KYNU: variants seen among roughly 807,000 people sequenced by gnomAD.
KYNU encodes the protein L-kynurenine hydrolase.
KYNU carries 54 observed loss-of-function variants against 59.2 expected under a neutral mutation model. The ratio of observed to expected loss-of-function variants is 0.91; its 90% CI spans 0.73 to 1.14. The LOEUF (loss-of-function observed/expected upper bound fraction) is 1.14. Ranked by LOEUF, KYNU falls within the 50% of genes most tolerant of loss-of-function variation. The pLI, the probability that KYNU is intolerant of heterozygous loss-of-function variation, is 0.00. For missense variants in KYNU, 567 were observed against 554.4 expected, an observed-to-expected ratio of 1.02 and a Z score of -0.23; for synonymous variants, 177 against 192.0, an observed-to-expected ratio of 0.92 and a Z score of 0.65.
intron 2 of KYNU, among the ~76,000 whole-genome samples, chr2:142,914,242 G>A (rs1165459537): frequency 6.6e-6 from 1 of 152,186 alleles, no homozygotes; most frequent in Non-Finnish European, 1.5e-5. Flanking sequence ...TCCTGACTTA[G>A]GGAACTTTCC....
At chr2:142,951,522 A>G (rs12997823) in intron 4 of KYNU, among the ~76,000 whole-genome samples, 47,005 of 152,166 alleles carry the variant, frequency 0.31, 7,977 homozygotes, top group South Asian at 0.54. Context: ...TAAGACAAAA[A>G]ACAATGAAGT....
intron 2 of KYNU, among the ~76,000 whole-genome samples, chr2:142,890,330 A>G (rs1681672955): frequency 6.6e-6 from 1 of 152,302 alleles, no homozygotes; most frequent in East Asian, 1.9e-4. Flanking sequence ...ATAGCCCCAT[A>G]AGATATATGG....
At chr2:142,921,854 A>G (rs1023596407) in intron 3 of KYNU, among the ~76,000 whole-genome samples, 1 of 144,742 alleles carries the variant, frequency 6.9e-6, no homozygotes, top group Admixed American at 7.0e-5. Flanking sequence ...ACATACATAC[A>G]TACATGTAGT....
intron 3 of KYNU, among the ~76,000 whole-genome samples, chr2:142,926,787 T>TG: frequency 6.6e-6 from 1 of 152,250 alleles, no homozygotes; most frequent in African/African-American, 2.4e-5. Context: ...ACACCAGGCT[T>TG]GGGAAAAAAA....
intron 2 of KYNU, among the ~76,000 whole-genome samples, chr2:142,886,369 T>A (rs1050460793): frequency 2.6e-5 from 4 of 152,212 alleles, no homozygotes; most frequent in Admixed American, 2.6e-4. Flanking sequence ...CTGGTTTGTA[T>A]AACACTAATA....
intron 8 of KYNU, chr2:142,971,306 TTATGTG>T (rs1684714785): frequency 8.0e-6 from 1 of 125,104 alleles, no homozygotes; most frequent in African/African-American, 3.1e-5. Flanking sequence ...TACCACAACA[TTATGTG>T]TGTGTGTGTG....
chr2:142,901,193 C>T (rs1392878041), intron 2 of KYNU, among the ~76,000 whole-genome samples: 1 of 152,046 alleles, frequency 6.6e-6, no homozygotes, highest in Non-Finnish European at 1.5e-5. Flanking sequence ...ATGATTTGGC[C>T]ATCTGATGGG....
At chr2:143,027,257 T>G (rs567951326) in intron 10 of KYNU, among the ~76,000 whole-genome samples, 2 of 152,320 alleles carry the variant, frequency 1.3e-5, no homozygotes, top group East Asian at 3.9e-4. Context: ...CAATGCATAT[T>G]TCCCATATAT....
intron 4 of KYNU, among the ~76,000 whole-genome samples, chr2:142,935,293 A>T (rs545107353): frequency 2.0e-5 from 3 of 152,304 alleles, no homozygotes; most frequent in African/African-American, 7.2e-5. Context: ...GTGATTTCTG[A>T]AAGTTTTTCA....
intron 10 of KYNU, among the ~76,000 whole-genome samples, chr2:143,012,320 A>G (rs1412879525): frequency 2.6e-5 from 4 of 151,878 alleles, no homozygotes; most frequent in African/African-American, 9.7e-5. Context: ...CATCTCTACT[A>G]AAAATACAAA....
rs942826970 is a variant in KYNU at position 143,045,347 on chromosome 2, A to G, written c.*3175A>G. 2 of 152,146 alleles carry G rather than the reference A, an allele frequency of 1.3e-5. No homozygotes were observed. The highest frequency in any genetic ancestry group is 4.8e-5 in the African/African-American group (2 of 41,446). The allele number at this position is 152,146 out of a possible 1,614,324, so 9.4% of individuals were successfully genotyped here. On this transcript the variant is annotated 3_prime_UTR_variant, in exon 14 of 14. Coordinates refer to ENST00000264170, the MANE Select transcript of KYNU (RefSeq NM_003937.3). ...TTTGGTTCCATATGAAATTTAAAGT[A>G]GTTTTTTCTAATTCTGTGAAGAAAG...
intron 4 of KYNU, among the ~76,000 whole-genome samples, chr2:142,936,987 G>A (rs944711505): frequency 3.3e-5 from 5 of 152,212 alleles, no homozygotes; most frequent in African/African-American, 1.2e-4. Context: ...CTGGGTGCAG[G>A]TGGGCTGAGG....
chr2:142,955,710 C>T (rs1042053132), intron 5 of KYNU, among the ~76,000 whole-genome samples: 2 of 151,988 alleles, frequency 1.3e-5, no homozygotes, highest in Non-Finnish European at 2.9e-5. Context: ...CTATCATCTT[C>T]GTTGTTATTG....
At chr2:142,922,227 G>C (rs552867856) in intron 3 of KYNU, among the ~76,000 whole-genome samples, 1 of 152,184 alleles carries the variant, frequency 6.6e-6, no homozygotes, top group Non-Finnish European at 1.5e-5. Context: ...TTGACCAGGC[G>C]TGGTGGTTCA....
At chr2:142,996,263 T>A (rs1410489348) in intron 10 of KYNU, among the ~76,000 whole-genome samples, 1 of 152,094 alleles carries the variant, frequency 6.6e-6, no homozygotes, top group Non-Finnish European at 1.5e-5. Flanking sequence ...ACATTTTGGC[T>A]GATGATAGAT....
intron 8 of KYNU, among the ~76,000 whole-genome samples, chr2:142,976,879 G>T (rs916351456): frequency 6.6e-6 from 1 of 152,160 alleles, no homozygotes; most frequent in African/African-American, 2.4e-5. Context: ...GAAGCTGAAA[G>T]CCTGGGGAGG....
intron 10 of KYNU, among the ~76,000 whole-genome samples, chr2:143,018,841 C>T (rs1333216032): frequency 1.3e-5 from 2 of 152,068 alleles, no homozygotes; most frequent in African/African-American, 4.8e-5. Context: ...AAAGATCATT[C>T]ACTTCTTGGT....
At chr2:142,991,390 A>G (rs1207707647) in intron 10 of KYNU, among the ~76,000 whole-genome samples, 2 of 151,944 alleles carry the variant, frequency 1.3e-5, no homozygotes, top group East Asian at 3.9e-4. Flanking sequence ...TGACTTCACA[A>G]CACTTCTGAT....
rs1307654075 is a variant in KYNU at position 143,044,336 on chromosome 2, T to C, written c.*2164T>C. On this transcript the variant is annotated 3_prime_UTR_variant, in exon 14 of 14. Transcript: ENST00000264170. ...TTTATAGTAGAATGATTTATAATCC[T>C]TAGGGTATACCCAGTAATGGGATTG... is the stretch of plus-strand genomic sequence containing the variant. The C allele has an allele frequency of 1.3e-5, 2 of 152,202 alleles. No individual in the cohort carries two copies. Among genetic ancestry groups the C allele is most frequent in the Non-Finnish European group, 2.9e-5 (2 of 68,026 alleles). The allele number at this position is 152,202 out of a possible 1,614,324, so 9.4% of individuals were successfully genotyped here.
Sources: gnomAD v4.1 joint callset for allele counts (sites outside exome capture counted in the v4.1 genomes callset) on GRCh38, gnomAD v4.1.1 for gene constraint, MANE v1.5 for transcripts, NCBI Gene and HGNC (gene_info 2026-07-23, HGNC 2026-07-21) for gene names.